Variants in CACNA1E observed in about 807,000 individuals in gnomAD.
CACNA1E encodes the protein voltage-dependent R-type calcium channel subunit alpha-1E.
CACNA1E carries 40 observed loss-of-function variants against 259.2 expected under a neutral mutation model. The ratio of observed to expected loss-of-function variants is 0.15; its 90% CI spans 0.12 to 0.20. The LOEUF (loss-of-function observed/expected upper bound fraction) is 0.20. Among genes scored for constraint, CACNA1E ranks in the 10% least tolerant of loss-of-function variants. CACNA1E has a pLI of 1.00. For synonymous variants in CACNA1E, 1,104 were observed against 1,138.5 expected (o/e 0.97, Z 0.61); for missense variants, 1,874 against 3,040.1 (o/e 0.62, Z 9.02).
At chr1:181,512,574 G>A (rs1443339120) in intron 3 of CACNA1E, among the ~76,000 whole-genome samples, 1 of 152,156 alleles carries the variant, frequency 6.6e-6, no homozygotes, top group Non-Finnish European at 1.5e-5. Context: ...GAAGGGTAAG[G>A]GCTTGGGAAT....
chr1:181,350,240 T>G (rs1283337779), intron 1 of CACNA1E, among the ~76,000 whole-genome samples: 1 of 152,252 alleles, frequency 6.6e-6, no homozygotes, highest in Non-Finnish European at 1.5e-5. Context: ...TCTTCTTCTC[T>G]TGATCTGTCA....
intron 6 of CACNA1E, among the ~76,000 whole-genome samples, chr1:181,616,737 A>T (rs933102992): frequency 6.6e-6 from 1 of 152,020 alleles, no homozygotes; most frequent in African/African-American, 2.4e-5. Flanking sequence ...AAACAAACAA[A>T]CAAAAAAAAA....
intron 7 of CACNA1E, among the ~76,000 whole-genome samples, chr1:181,710,196 C>T (rs1393093696): frequency 6.6e-6 from 1 of 151,208 alleles, no homozygotes; most frequent in African/African-American, 2.4e-5. Flanking sequence ...CTCCCCTCCA[C>T]CCCACCCCCA....
intron 7 of CACNA1E, among the ~76,000 whole-genome samples, chr1:181,693,712 A>C (rs1244338429): frequency 1.3e-5 from 2 of 152,184 alleles, no homozygotes; most frequent in Non-Finnish European, 2.9e-5. Context: ...GGGCAAGAGG[A>C]TCATTCATAT....
At chr1:181,538,316 G>A (rs1668325436) in intron 3 of CACNA1E, among the ~76,000 whole-genome samples, 1 of 152,044 alleles carries the variant, frequency 6.6e-6, no homozygotes, top group African/African-American at 2.4e-5. Context: ...CTGCTTTAAG[G>A]GAACTTACAT....
At chr1:181,779,767 G>C (rs1435381084) in intron 38 of CACNA1E, among the ~76,000 whole-genome samples, 7 of 151,740 alleles carry the variant, frequency 4.6e-5, no homozygotes, top group Non-Finnish European at 1.0e-4. Flanking sequence ...GAAGACCAGT[G>C]TGATCGCTCT....
chr1:181,601,895 C>G (rs968147471), intron 6 of CACNA1E, among the ~76,000 whole-genome samples: 14 of 152,214 alleles, frequency 9.2e-5, no homozygotes, highest in African/African-American at 3.1e-4. Flanking sequence ...TGCTTCTTGC[C>G]TTAATCTGCT....
chr1:181,419,864 C>CACTT (rs1658594188), intron 2 of CACNA1E, among the ~76,000 whole-genome samples: 2 of 152,166 alleles, frequency 1.3e-5, no homozygotes, highest in South Asian at 4.2e-4. Flanking sequence ...TTCTCTGCCC[C>CACTT]ACTTCAGGGC....
rs550032017 is a variant in CACNA1E at position 181,545,595 on chromosome 1, G to A, written c.513-32171G>A. 2.4e-4 allele frequency among the ~76,000 whole-genome samples: 36 copies of A among 152,272 alleles called. 1 individual carries two copies. The South Asian group carries it at 3.1e-3, about 13-fold the overall frequency. On this transcript the variant is annotated intron_variant, in intron 3 of 47. Coordinates refer to ENST00000367573, the MANE Select transcript of CACNA1E (RefSeq NM_001205293.3). ...CACACAGGCTGTCCCTTAGGGCAGG[G>A]GGCAGGAGCTCAAGAAGCTGGAGGA...
intron 1 of CACNA1E, among the ~76,000 whole-genome samples, chr1:181,385,524 C>T (rs958164255): frequency 1.3e-5 from 2 of 152,096 alleles, no homozygotes; most frequent in Admixed American, 1.3e-4. Context: ...ATAAGCGCGT[C>T]CTTGAATTGG....
intron 3 of CACNA1E, among the ~76,000 whole-genome samples, chr1:181,525,575 C>T (rs1667293269): frequency 1.3e-5 from 2 of 152,160 alleles, no homozygotes; most frequent in African/African-American, 4.8e-5. Flanking sequence ...TAACATTTGT[C>T]AAACTCTAAA....
intron 18 of CACNA1E, among the ~76,000 whole-genome samples, chr1:181,727,729 G>A (rs1655043772): frequency 6.6e-6 from 1 of 152,336 alleles, no homozygotes; most frequent in South Asian, 2.1e-4. Context: ...GACTGTGTGA[G>A]TGGTGAGTGG....
At chr1:181,514,376 A>G (rs551788264) in intron 3 of CACNA1E, among the ~76,000 whole-genome samples, 62 of 152,254 alleles carry the variant, frequency 4.1e-4, no homozygotes, top group Non-Finnish European at 7.9e-4. Flanking sequence ...TGGACTTTAG[A>G]GATGAGTCAT....
intron 7 of CACNA1E, among the ~76,000 whole-genome samples, chr1:181,677,826 G>C (rs1649532511): frequency 6.6e-6 from 1 of 152,172 alleles, no homozygotes; most frequent in Non-Finnish European, 1.5e-5. Flanking sequence ...TGGGTTTTGG[G>C]GGAGAAGTTT....
intron 1 of CACNA1E, among the ~76,000 whole-genome samples, chr1:181,504,117 G>A (rs1161996893): frequency 6.6e-6 from 1 of 152,154 alleles, no homozygotes; most frequent in African/African-American, 2.4e-5. Flanking sequence ...AGGTGTCCAT[G>A]CCATCCTCTG....
In CACNA1E at chr1:181,790,116, C is replaced by T. The variant is rs601059; in HGVS notation, c.5787-329C>T. 0.21 allele frequency among the ~76,000 whole-genome samples: 31,706 copies of T among 151,964 alleles called. 3,368 individuals are homozygous for T. Among genetic ancestry groups the T allele is most frequent in the South Asian group, 0.3 (1,458 of 4,822 alleles). ...CACTGTGTAAACTAGGGTGTTTTTC[C>T]GCCAAATGGGGAAACTGAGCAGAAA... On this transcript the variant is annotated intron_variant, in intron 43 of 47. Transcript: ENST00000367573.
intron 7 of CACNA1E, among the ~76,000 whole-genome samples, chr1:181,663,961 G>A (rs1418280139): frequency 1.3e-5 from 2 of 152,164 alleles, no homozygotes; most frequent in East Asian, 1.9e-4. Flanking sequence ...GATTGTTAAA[G>A]CTGTTATCCT....
At chr1:181,386,214 G>A (rs906751405) in intron 1 of CACNA1E, among the ~76,000 whole-genome samples, 1 of 152,218 alleles carries the variant, frequency 6.6e-6, no homozygotes, top group African/African-American at 2.4e-5. Context: ...CAAAGCAAGA[G>A]ACCTCTTCTT....
intron 7 of CACNA1E, among the ~76,000 whole-genome samples, chr1:181,665,603 C>G (rs1486893797): frequency 6.6e-6 from 1 of 152,006 alleles, no homozygotes; most frequent in Non-Finnish European, 1.5e-5. Flanking sequence ...TGAAGAGAGG[C>G]TTTTAATTGT....
Sources: allele counts gnomAD v4.1 joint callset (sites outside exome capture counted in the v4.1 genomes callset), GRCh38; gene constraint gnomAD v4.1.1; transcripts MANE v1.5; gene names NCBI Gene and HGNC (gene_info 2026-07-23, HGNC 2026-07-21).